ARHGAP8: variants seen among roughly 807,000 people sequenced by gnomAD.
ARHGAP8 encodes Rho GTPase activating protein 8, also known as rho GTPase-activating protein 8.
In ARHGAP8, 62 loss-of-function variants were observed where a neutral mutation model predicts 46.1. That is an observed-to-expected ratio of 1.34 (90% CI 1.10 to 1.66). The LOEUF (loss-of-function observed/expected upper bound fraction) is 1.66. ARHGAP8 is among the 40% of genes most tolerant of loss of function. The pLI is 0.00. For synonymous variants in ARHGAP8, 375 were observed against 243.1 expected (o/e 1.54, Z -5.05); for missense variants, 923 against 568.4 (o/e 1.62, Z -6.34).
chr22:44,845,822 G>A (rs9680763), intron 8 of ARHGAP8, among the ~76,000 whole-genome samples: 11,827 of 152,198 alleles, frequency 0.078, 514 homozygotes, highest in East Asian at 0.2. Flanking sequence ...CCTGAGGCTA[G>A]AACTGAGGTC....
intron 5 of ARHGAP8, among the ~76,000 whole-genome samples, chr22:44,820,404 T>C (rs958524664): frequency 2.0e-5 from 3 of 152,132 alleles, no homozygotes; most frequent in African/African-American, 7.2e-5. Context: ...GGGGCAAGAC[T>C]CCCTTTGCCC....
At chr22:44,827,856 G>A (rs1003445514) in intron 7 of ARHGAP8, among the ~76,000 whole-genome samples, 2 of 152,114 alleles carry the variant, frequency 1.3e-5, no homozygotes, top group Non-Finnish European at 2.9e-5. Context: ...TGGGCATCTC[G>A]GGTGTATCAC....
At chr22:44,819,649 G>A (rs1039085299) in intron 5 of ARHGAP8, among the ~76,000 whole-genome samples, 1 of 152,068 alleles carries the variant, frequency 6.6e-6, no homozygotes, top group African/African-American at 2.4e-5. Flanking sequence ...CTCCAGCCTG[G>A]GCAATAAGAG....
intron 11 of ARHGAP8, among the ~76,000 whole-genome samples, chr22:44,860,458 CACCTTTCCCTCCT>C (rs1429821174): frequency 6.6e-6 from 1 of 152,038 alleles, no homozygotes; most frequent in Non-Finnish European, 1.5e-5. Context: ...AATCTCCCTC[CACCTTTCCCTCCT>C]AAGTGTGGAC....
intron 1 of ARHGAP8, among the ~76,000 whole-genome samples, chr22:44,773,513 G>A (rs1926193853): frequency 6.6e-6 from 1 of 152,186 alleles, no homozygotes; most frequent in Admixed American, 6.5e-5. Flanking sequence ...ATACTTCACA[G>A]GACAGATGTT....
At chr22:44,797,751 C>G (rs369256186) in intron 2 of ARHGAP8, among the ~76,000 whole-genome samples, 6 of 152,298 alleles carry the variant, frequency 3.9e-5, no homozygotes, top group African/African-American at 1.4e-4. Context: ...ACACACTGTG[C>G]GCGCGTGTGT....
chr22:44,767,416 C>G (rs1474870507), intron 1 of ARHGAP8, among the ~76,000 whole-genome samples: 2 of 151,948 alleles, frequency 1.3e-5, no homozygotes, highest in Non-Finnish European at 1.5e-5. Context: ...ATGTTAGCTG[C>G]CCCTCCTGAA....
chr22:44,824,100 G>A (rs376244989), intron 6 of ARHGAP8, among the ~76,000 whole-genome samples: 2 of 152,266 alleles, frequency 1.3e-5, no homozygotes, highest in South Asian at 2.1e-4. Flanking sequence ...TGGGTGCTGC[G>A]AGCACCAGAG....
At chr22:44,824,245 T>G (rs1283819691) in intron 6 of ARHGAP8, among the ~76,000 whole-genome samples, 1 of 152,100 alleles carries the variant, frequency 6.6e-6, no homozygotes, top group Non-Finnish European at 1.5e-5. Context: ...GTAGACAAAA[T>G]AACCCCTCTA....
At chr22:44,834,972 C>T (rs1931184744) in intron 7 of ARHGAP8, among the ~76,000 whole-genome samples, 1 of 152,210 alleles carries the variant, frequency 6.6e-6, no homozygotes, top group South Asian at 2.1e-4. Context: ...CATCTCTTTA[C>T]TTTCAACCTA....
intron 7 of ARHGAP8, among the ~76,000 whole-genome samples, chr22:44,840,451 G>A (rs1235843949): frequency 6.6e-6 from 1 of 151,114 alleles, no homozygotes; most frequent in Non-Finnish European, 1.5e-5. Flanking sequence ...TCTCCCTTCT[G>A]CTCACTAGAT....
intron 1 of ARHGAP8, among the ~76,000 whole-genome samples, chr22:44,784,390 T>C (rs1445871846): frequency 6.6e-6 from 1 of 151,962 alleles, no homozygotes; most frequent in Admixed American, 6.6e-5. Context: ...GGCGAGGGAG[T>C]GAGACTCGGT....
In ARHGAP8 at chr22:44,862,650, G is replaced by A. The variant is rs1443597562; in HGVS notation, c.*55G>A. 11 of 1,500,144 alleles carry A rather than the reference G, an allele frequency of 7.3e-6. No individual in the cohort carries two copies. Among genetic ancestry groups the A allele is most frequent in the East Asian group, 2.3e-5 (1 of 43,714 alleles). The allele number at this position is 1,500,144 out of a possible 1,614,324, so 92.9% of individuals were successfully genotyped here. ...ACCTCCCACACCTGTCTGTGCACTT[G>A]TATGTTTTGTAAACTTGGCATCTGT... On this transcript the variant is annotated 3_prime_UTR_variant, in exon 12 of 12. Transcript: ENST00000356099.
chr22:44,861,749 C>G (rs549068285), intron 11 of ARHGAP8, among the ~76,000 whole-genome samples: 1 of 152,298 alleles, frequency 6.6e-6, no homozygotes, highest in Non-Finnish European at 1.5e-5. Context: ...CCCCAGATTC[C>G]TCATCTGTAA....
chr22:44,844,407 G>A (rs1485567036), intron 7 of ARHGAP8, among the ~76,000 whole-genome samples: 1 of 152,192 alleles, frequency 6.6e-6, no homozygotes, highest in Non-Finnish European at 1.5e-5. Flanking sequence ...ATTACATTAA[G>A]TCTAAGTGGC....
chr22:44,761,188 A>G (rs1925103816), intron 1 of ARHGAP8, among the ~76,000 whole-genome samples: 1 of 151,304 alleles, frequency 6.6e-6, no homozygotes, highest in Non-Finnish European at 1.5e-5. Context: ...TAACATTAGC[A>G]AAAGGATCAC....
chr22:44,829,219 A>T (rs1930761061), intron 7 of ARHGAP8, among the ~76,000 whole-genome samples: 1 of 146,866 alleles, frequency 6.8e-6, no homozygotes, highest in Admixed American at 6.9e-5. Flanking sequence ...TGAACCTGGG[A>T]GGCGGAGGTT....
intron 7 of ARHGAP8, among the ~76,000 whole-genome samples, chr22:44,842,098 C>A (rs1185913843): frequency 2.0e-5 from 3 of 152,182 alleles, no homozygotes; most frequent in Non-Finnish European, 4.4e-5. Context: ...GTGGCTCATG[C>A]CTATAATCCC....
At chr22:44,849,296 G>A (rs1315752583) in intron 10 of ARHGAP8, 13 of 653,998 alleles carry the variant, frequency 2.0e-5, no homozygotes, top group African/African-American at 3.7e-5. Context: ...TGTCCAGGCC[G>A]GTCTCTCAGG....
Sources: gnomAD v4.1 joint callset for allele counts (sites outside exome capture counted in the v4.1 genomes callset) on GRCh38, gnomAD v4.1.1 for gene constraint, MANE v1.5 for transcripts, NCBI Gene and HGNC (gene_info 2026-07-23, HGNC 2026-07-21) for gene names.